The following CADM2 variants were observed in gnomAD, a reference collection of about 807,000 sequenced individuals.
CADM2 encodes immunoglobulin superfamily member 4D.
A neutral mutation model predicts 49.8 loss-of-function variants in CADM2; 12 were observed. The observed-to-expected ratio is 0.24, with a 90% CI of 0.15 to 0.39. The LOEUF is 0.39. CADM2 is among the 10% of genes least tolerant of loss of function. CADM2 has a pLI of 1.00. For synonymous variants in CADM2, 214 were observed against 175.4 expected (o/e 1.22, Z -1.74); for missense variants, 378 against 492.3 (o/e 0.77, Z 2.20).
chr3:85,979,240 A>G, intron 8 of CADM2: 1 of 1,610,930 alleles, frequency 6.2e-7, no homozygotes, highest in Non-Finnish European at 8.5e-7. Flanking sequence ...CTGTAGCCAT[A>G]ACAACCAGCC....
At chr3:85,399,288 C>T (rs1321428566) in intron 1 of CADM2, among the ~76,000 whole-genome samples, 4 of 152,092 alleles carry the variant, frequency 2.6e-5, no homozygotes, top group African/African-American at 7.2e-5. Flanking sequence ...TGTCAAAGAG[C>T]AGATGGTTGT....
At chr3:85,879,052 A>C (rs1712349475) in intron 3 of CADM2, among the ~76,000 whole-genome samples, 1 of 150,522 alleles carries the variant, frequency 6.6e-6, no homozygotes, top group African/African-American at 2.4e-5. Context: ...CATAGTAACA[A>C]AATTTTAAAA....
intron 8 of CADM2, among the ~76,000 whole-genome samples, chr3:86,009,833 G>A (rs1048954839): frequency 4.6e-5 from 7 of 151,748 alleles, no homozygotes; most frequent in South Asian, 2.1e-4. Flanking sequence ...TATACAACAT[G>A]ATGTTTTGAA....
At chr3:85,522,022 A>T (rs2061036299) in intron 1 of CADM2, among the ~76,000 whole-genome samples, 1 of 151,986 alleles carries the variant, frequency 6.6e-6, no homozygotes, top group East Asian at 1.9e-4. Context: ...GGTTTGGGGA[A>T]ATAACCCTCT....
intron 7 of CADM2, among the ~76,000 whole-genome samples, chr3:85,951,203 A>G (rs554263363): frequency 2.3e-4 from 35 of 151,304 alleles, no homozygotes; most frequent in African/African-American, 8.4e-4. Context: ...GAACATATCC[A>G]GAAATATTTA....
At chr3:85,466,458 G>T (rs868446276) in intron 1 of CADM2, among the ~76,000 whole-genome samples, 1 of 152,096 alleles carries the variant, frequency 6.6e-6, no homozygotes, top group African/African-American at 2.4e-5. Flanking sequence ...CGCTAAAAAC[G>T]CTTTGCCTTT....
chr3:85,339,096 A>T (rs2045170910), intron 1 of CADM2, among the ~76,000 whole-genome samples: 1 of 151,568 alleles, frequency 6.6e-6, no homozygotes. Flanking sequence ...CAAAGTATTT[A>T]ACTCTAATTC....
At chr3:85,782,124 T>C (rs2107996743) in intron 2 of CADM2, among the ~76,000 whole-genome samples, 1 of 152,366 alleles carries the variant, frequency 6.6e-6, no homozygotes, top group East Asian at 1.9e-4. Flanking sequence ...TAATGCTGAC[T>C]TTATTAAAAC....
At chr3:85,778,192 C>T (rs1236515303) in intron 2 of CADM2, among the ~76,000 whole-genome samples, 2 of 152,014 alleles carry the variant, frequency 1.3e-5, no homozygotes, top group African/African-American at 4.8e-5. Context: ...AAAAAATTCG[C>T]CTGTTGAAAA....
intron 1 of CADM2, among the ~76,000 whole-genome samples, chr3:85,477,773 G>T (rs2039039873): frequency 6.6e-6 from 1 of 151,756 alleles, no homozygotes; most frequent in African/African-American, 2.4e-5. Flanking sequence ...AAGAACTCTG[G>T]TCTATGTACA....
At chr3:85,564,705 T>C (rs1449384) in intron 1 of CADM2, among the ~76,000 whole-genome samples, 1 of 151,890 alleles carries the variant, frequency 6.6e-6, no homozygotes, top group East Asian at 1.9e-4. Context: ...ATGTTAATGA[T>C]TTTTTTAATT....
At chr3:85,678,262 T>C (rs1014905845) in intron 1 of CADM2, among the ~76,000 whole-genome samples, 2 of 152,158 alleles carry the variant, frequency 1.3e-5, no homozygotes, top group Non-Finnish European at 2.9e-5. Context: ...ATGAGCTGTG[T>C]CAACCTAAAG....
At chr3:85,261,952 C>A (rs905713243) in intron 1 of CADM2, among the ~76,000 whole-genome samples, 2 of 152,048 alleles carry the variant, frequency 1.3e-5, no homozygotes, top group African/African-American at 4.8e-5. Context: ...AGACAATAAT[C>A]ATGTTACACT....
At chr3:85,146,730 AT>A (rs1212308991) in intron 1 of CADM2, among the ~76,000 whole-genome samples, 1 of 152,298 alleles carries the variant, frequency 6.6e-6, no homozygotes, top group East Asian at 1.9e-4. Flanking sequence ...CCTATGTGGG[AT>A]TTTCTGTCTC....
At position 85,216,904 on chromosome 3, in the gene CADM2, A is replaced by T. The variant is rs192457568; in HGVS notation, c.61+257236A>T. Among the ~76,000 whole-genome samples, 8 of 152,156 alleles carry T rather than the reference A, an allele frequency of 5.3e-5. No homozygotes were observed. In the East Asian group the frequency reaches 1.5e-3, roughly 29 times the overall value. On this transcript the variant is annotated intron_variant, in intron 1 of 9. Coordinates refer to ENST00000383699, the MANE Select transcript of CADM2 (RefSeq NM_001167675.2). ...TATTGATATGGTAATTCAAATTAGA[A>T]TTTTTTCTCAAAATTTACATTGCTA...
intron 1 of CADM2, among the ~76,000 whole-genome samples, chr3:85,679,291 C>A (rs532872891): frequency 6.6e-6 from 1 of 151,768 alleles, no homozygotes; most frequent in Non-Finnish European, 1.5e-5. Flanking sequence ...GCTAAGTATG[C>A]GCAGAGGATC....
chr3:85,734,285 G>A (rs751667521), intron 2 of CADM2, among the ~76,000 whole-genome samples: 105 of 152,094 alleles, frequency 6.9e-4, no homozygotes, highest in East Asian at 7.7e-4. Flanking sequence ...CTAAGACCCT[G>A]CTGCTTTGCT....
At chr3:85,254,244 G>A (rs911450909) in intron 1 of CADM2, among the ~76,000 whole-genome samples, 3 of 152,066 alleles carry the variant, frequency 2.0e-5, no homozygotes, top group African/African-American at 7.2e-5. Context: ...ATAGTTAAAG[G>A]AATGTGGGAA....
chr3:85,847,561 A>G (rs1404992556), intron 3 of CADM2, among the ~76,000 whole-genome samples: 1 of 152,178 alleles, frequency 6.6e-6, no homozygotes, highest in Admixed American at 6.6e-5. Context: ...TGGAGAAATA[A>G]TTACTTAAAA....
Sources: allele counts gnomAD v4.1 joint callset (sites outside exome capture counted in the v4.1 genomes callset), GRCh38; gene constraint gnomAD v4.1.1; transcripts MANE v1.5; gene names NCBI Gene and HGNC (gene_info 2026-07-23, HGNC 2026-07-21).